FEZ2: variants seen among roughly 807,000 people sequenced by gnomAD.
FEZ2 encodes fasciculation and elongation protein zeta 2, also known as fasciculation and elongation protein zeta-2.
Under a neutral mutation model 40.4 loss-of-function variants are expected in FEZ2, and 51 were observed. The observed-to-expected ratio is 1.26, with a 90% CI of 1.01 to 1.59. The LOEUF (loss-of-function observed/expected upper bound fraction) is 1.59, where lower values mean the gene tolerates loss of function less well. FEZ2 is among the 40% of genes most tolerant of loss of function. FEZ2 has a pLI of 0.00. For synonymous variants in FEZ2, 242 were observed against 172.0 expected (o/e 1.41, Z -3.18); for missense variants, 640 against 438.3 (o/e 1.46, Z -4.11).
At chr2:36,592,295 G>T (rs1407545809) in intron 1 of FEZ2, among the ~76,000 whole-genome samples, 1 of 152,030 alleles carries the variant, frequency 6.6e-6, no homozygotes, top group Non-Finnish European at 1.5e-5. Context: ...TTAAGTTCCG[G>T]GGTACATGGG....
chr2:36,561,583 T>C (rs962017449), intron 5 of FEZ2: 4 of 152,234 alleles, frequency 2.6e-5, no homozygotes, highest in Non-Finnish European at 5.9e-5. Context: ...GGAGTATTTT[T>C]TTCCTAAACA....
rs1668719318 is a variant in FEZ2, at chr2:36,580,899, A to AT, written c.634+390_634+391insA. On this transcript the variant is annotated intron_variant, in intron 4 of 7. Transcript: ENST00000405912. ...CAGGCAATGGTGGCTCACGCCTGTA[A>AT]CTGCAGCACTTTGGGAGGCTAAGGC... 2.2e-4 allele frequency among the ~76,000 whole-genome samples: 34 copies of AT among 152,304 alleles called. 1 individual carries two copies. The South Asian group carries it at 6.8e-3, about 31-fold the overall frequency.
In FEZ2 at chr2:36,578,764, G is replaced by A. The variant is rs200850174; in HGVS notation, c.736C>T (p.Arg246Ter). 11 of 1,613,746 alleles carry A rather than the reference G, an allele frequency of 6.8e-6. No individual in the cohort carries two copies. The highest frequency in any genetic ancestry group is 7.6e-6 in the Non-Finnish European group (9 of 1,179,810). Residue 246 changes from arginine to a stop codon, truncating the protein, a stop_gained, in exon 5 of 8, where the codon CGA becomes TGA. Transcript: ENST00000405912. LOFTEE classifies it high-confidence loss of function. The part of the protein sequence containing the change: ...SEELVQQLAL[R>*]DELEFEKEVK... ...TCCTTTTCAAACTCCAGTTCATCTC[G>A]TAAAGCCAACTGCTGCACCAGCTCC...
chr2:36,574,649 A>G (rs1414992262), intron 5 of FEZ2, among the ~76,000 whole-genome samples: 3 of 149,806 alleles, frequency 2.0e-5, no homozygotes, highest in Non-Finnish European at 1.5e-5. Context: ...ATGAGTGAGA[A>G]AAAAAAAAAA....
intron 5 of FEZ2, among the ~76,000 whole-genome samples, chr2:36,560,346 A>G (rs527576793): frequency 1.3e-5 from 2 of 152,318 alleles, no homozygotes; most frequent in African/African-American, 2.4e-5. Context: ...CACTCTATAC[A>G]TATTTTTGAC....
At chr2:36,569,731 AC>A (rs2125227621) in intron 5 of FEZ2, among the ~76,000 whole-genome samples, 2 of 152,340 alleles carry the variant, frequency 1.3e-5, no homozygotes, top group East Asian at 3.9e-4. Flanking sequence ...GGAAATTTAC[AC>A]TATTCCCGCT....
At chr2:36,565,940 T>TG (rs1388735624) in intron 5 of FEZ2, among the ~76,000 whole-genome samples, 1 of 151,956 alleles carries the variant, frequency 6.6e-6, no homozygotes, top group Non-Finnish European at 1.5e-5. Context: ...TCATGTCCCA[T>TG]GGGGGGCAAA....
chr2:36,589,421 G>T (rs1359721930), intron 2 of FEZ2, among the ~76,000 whole-genome samples: 1 of 152,222 alleles, frequency 6.6e-6, no homozygotes, highest in Non-Finnish European at 1.5e-5. Context: ...CCATCTGTCA[G>T]AGATGCTGGA....
At position 36,552,396 on chromosome 2, in the gene FEZ2, G is replaced by C. The variant is rs1667835934; in HGVS notation, c.*767C>G. 5.5e-6 allele frequency: 2 copies of C among 366,864 alleles called. No individual in the cohort carries two copies. The highest frequency in any genetic ancestry group is 1.1e-5 in the Non-Finnish European group (2 of 189,772). 22.7% of individuals were successfully genotyped at this position (366,864 alleles called of 1,614,324 possible). On this transcript the variant is annotated 3_prime_UTR_variant, in exon 8 of 8. Coordinates refer to ENST00000405912, the MANE Select transcript of FEZ2 (RefSeq NM_005102.3). ...AAACACACAGGCATGAATAAAATAG[G>C]ACACAGTAATGAGAATGGGCAGTTC...
intron 5 of FEZ2, among the ~76,000 whole-genome samples, chr2:36,565,706 T>C (rs923701742): frequency 2.0e-4 from 30 of 152,102 alleles, no homozygotes; most frequent in African/African-American, 7.2e-4. Context: ...AAAAACGTGG[T>C]AGTTGTTTTG....
At chr2:36,584,337 T>C (rs560748005) in intron 2 of FEZ2, among the ~76,000 whole-genome samples, 101 of 152,350 alleles carry the variant, frequency 6.6e-4, no homozygotes, top group African/African-American at 2.4e-3. Flanking sequence ...CCAGGACTGC[T>C]AAAGTACCAG....
chr2:36,589,952 T>TAAAC (rs1669017092), intron 2 of FEZ2: 1 of 152,234 alleles, frequency 6.6e-6, no homozygotes, highest in Admixed American at 6.5e-5. Context: ...ATAAGGAACT[T>TAAAC]AAACAGCCAG....
chr2:36,577,883 G>GA (rs1668622088), intron 5 of FEZ2, among the ~76,000 whole-genome samples: 1 of 152,112 alleles, frequency 6.6e-6, no homozygotes, highest in Non-Finnish European at 1.5e-5. Flanking sequence ...GTCCCATTTA[G>GA]AAAAAGAGAT....
intron 4 of FEZ2, among the ~76,000 whole-genome samples, chr2:36,579,662 T>C (rs1287713782): frequency 6.6e-6 from 1 of 152,172 alleles, no homozygotes; most frequent in Non-Finnish European, 1.5e-5. Flanking sequence ...GCTACCAGGC[T>C]TCCTGTATAG....
chr2:36,587,928 C>G (rs960473629), intron 2 of FEZ2, among the ~76,000 whole-genome samples: 1 of 152,132 alleles, frequency 6.6e-6, no homozygotes, highest in African/African-American at 2.4e-5. Context: ...GTTCTGATTT[C>G]AATTCTATTC....
intron 2 of FEZ2, among the ~76,000 whole-genome samples, chr2:36,587,115 T>A (rs1668924576): frequency 6.6e-6 from 1 of 152,248 alleles, no homozygotes; most frequent in Non-Finnish European, 1.5e-5. Flanking sequence ...ATAAGCATTC[T>A]ATCATATAAG....
At chr2:36,563,668 C>T (rs1198973421) in intron 5 of FEZ2, among the ~76,000 whole-genome samples, 3 of 152,168 alleles carry the variant, frequency 2.0e-5, no homozygotes, top group Non-Finnish European at 4.4e-5. Flanking sequence ...TCTACTAGCT[C>T]CTTCCTGACA....
chr2:36,565,200 C>T (rs920061034), intron 5 of FEZ2, among the ~76,000 whole-genome samples: 4 of 152,208 alleles, frequency 2.6e-5, no homozygotes, highest in Non-Finnish European at 5.9e-5. Context: ...ACTTCCCTGG[C>T]TCAATTCTTA....
rs185351945 is a variant in FEZ2 at position 36,576,459 on chromosome 2, C to T, written c.903+2138G>A. Among the ~76,000 whole-genome samples, 35 of 152,078 alleles carry T rather than the reference C, an allele frequency of 2.3e-4. No individual in the cohort carries two copies. In the East Asian group the frequency reaches 5.2e-3, roughly 23 times the overall value. ...TAATTTTTGTATTTTTTAGTAGAAACGGAGTTTCACCATGTTGGCCAGGCT... is the reference window on the plus strand; with the variant it reads ...TAATTTTTGTATTTTTTAGTAGAAATGGAGTTTCACCATGTTGGCCAGGCT... On this transcript the variant is annotated intron_variant, in intron 5 of 7. Transcript: ENST00000405912.
Sources: gnomAD v4.1 joint callset for allele counts (sites outside exome capture counted in the v4.1 genomes callset) on GRCh38, gnomAD v4.1.1 for gene constraint, MANE v1.5 for transcripts, NCBI Gene and HGNC (gene_info 2026-07-23, HGNC 2026-07-21) for gene names.